Variants in SALL4 observed in about 807,000 individuals in gnomAD.
The protein encoded by SALL4 is spalt like transcription factor 4, also known as sal-like protein 4.
In SALL4, 4 loss-of-function variants were observed where a neutral mutation model predicts 60.8. The ratio of observed to expected loss-of-function variants is 0.07; its 90% CI spans 0.03 to 0.15. The LOEUF is 0.15. SALL4 is among the 10% of genes least tolerant of loss of function. SALL4 has a pLI of 1.00. For synonymous variants in SALL4, 580 were observed against 574.9 expected, an observed-to-expected ratio of 1.01 and a Z score of -0.13; for missense variants, 1,178 against 1,394.7, an observed-to-expected ratio of 0.84 and a Z score of 2.48.
intron 1 of SALL4, among the ~76,000 whole-genome samples, chr20:51,800,796 C>A (rs1339042270): frequency 6.6e-6 from 1 of 151,190 alleles, no homozygotes; most frequent in Non-Finnish European, 1.5e-5. Context: ...CGGGTGCGCG[C>A]TGCGCTGACC....
chr20:51,800,497 G>A (rs530529520), intron 1 of SALL4, among the ~76,000 whole-genome samples: 2 of 152,310 alleles, frequency 1.3e-5, no homozygotes, highest in East Asian at 3.9e-4. Flanking sequence ...GTTAATTTCA[G>A]AAGCCCTCTC....
At position 51,790,824 on chromosome 20, in the gene SALL4, C is replaced by T. The variant is rs1846245629; in HGVS notation, c.1659G>A (p.Gln553=). The part of the protein sequence containing the change: ...EPGSETLKLQ[Q]LVENIDKATT... ...TGGCCTTGTCAATGTTCTCCACCAACTGCTGCAATTTCAGGGTCTCTGACC... is the reference window on the plus strand; with the variant it reads ...TGGCCTTGTCAATGTTCTCCACCAATTGCTGCAATTTCAGGGTCTCTGACC... Residue 553 remains glutamine (Q), a synonymous_variant, in exon 2 of 4, where the codon CAG becomes CAA. Transcript: ENST00000217086. The surrounding 1 kb of genome is among the most constrained non-coding windows in gnomAD (Gnocchi z 5.5). 8.1e-6 allele frequency: 13 copies of T among 1,614,018 alleles called. No individual in the cohort carries two copies. Among genetic ancestry groups the T allele is most frequent in the Non-Finnish European group, 1.1e-5 (13 of 1,180,044 alleles).
In SALL4 at chr20:51,802,354, C is replaced by T; in HGVS notation, c.55G>A (p.Gly19Ser). Residue 19 changes from glycine (G) to serine (S), a missense_variant, in exon 1 of 4, where the codon GGC becomes AGC. This residue lies in a region of SALL4 where 108 missense variants were observed against 95.7 expected (regional missense o/e 1.13). Coordinates refer to ENST00000217086, the MANE Select transcript of SALL4 (RefSeq NM_020436.5). ...GTCTGCTGCTGCGGCTGCTGCTCGC[C>T]CTGGTCCTCCTCCGAGTTGATGTGC... ...PQHINSEEDQ[G>S]EQQPQQQTPE... The T allele has an allele frequency of 6.2e-7, 1 of 1,611,076 alleles. No individual in the cohort carries two copies. The highest frequency in any genetic ancestry group is 1.1e-5 in the South Asian group (1 of 91,014).
chr20:51,787,132 A>C (rs912584174), intron 3 of SALL4, among the ~76,000 whole-genome samples: 1 of 148,902 alleles, frequency 6.7e-6, no homozygotes, highest in Admixed American at 6.7e-5. Context: ...AAAACAAAAC[A>C]AATTTTGGGG....
At position 51,791,721 on chromosome 20, in the gene SALL4, G is replaced by C. The variant is rs141546409; in HGVS notation, c.762C>G (p.Ala254=). The change falls in exon 2 of 4, where the codon GCC becomes GCG. Residue 254 remains alanine (A), a synonymous_variant. Coordinates refer to ENST00000217086, the MANE Select transcript of SALL4 (RefSeq NM_020436.5). This position sits in a 1 kb window ranked among gnomAD's most constrained non-coding sequence, Gnocchi z 4.6. ...SHALHSSGAG[A]DTLKTLGSHM... ...GGCTGCCCAAGGTCTTCAGAGTGTC[G>C]GCCCCTGCCCCGCTTGAGTGGAGGG... 1.2e-5 allele frequency: 19 copies of C among 1,614,024 alleles called. No individual in the cohort carries two copies. Among genetic ancestry groups the C allele is most frequent in the Admixed American group, 5.0e-5 (3 of 60,010 alleles).
At chr20:51,785,256 A>G (rs1447051279) in intron 3 of SALL4, among the ~76,000 whole-genome samples, 3 of 152,116 alleles carry the variant, frequency 2.0e-5, no homozygotes, top group Non-Finnish European at 4.4e-5. Flanking sequence ...AGCCAAGATC[A>G]TGCCACTGCA....
At chr20:51,796,196 CAAAAAA>C (rs11474910) in intron 1 of SALL4, among the ~76,000 whole-genome samples, 6 of 90,584 alleles carry the variant, frequency 6.6e-5, no homozygotes, top group Non-Finnish European at 1.1e-4. Flanking sequence ...AAGACTGTCT[CAAAAAA>C]AAAAAAAAAA....
chr20:51,792,161 C>T lies in SALL4; in HGVS notation c.322G>A (p.Gly108Arg). The change falls in exon 2 of 4, where the codon GGG becomes AGG. Residue 108 changes from glycine (G) to arginine (R), a missense_variant. This residue lies in a region of SALL4 where 853 missense variants were observed against 1,036.8 expected (regional missense o/e 0.82). Transcript: ENST00000217086. ...GAGAAGTCTTCTGAAGGCACAGGCC[C>T]CTCGCTGTCATTCATGATGAGGACA... ...PPVLIMNDSE[G>R]PVPSEDFSGA... 1.2e-6 allele frequency: 2 copies of T among 1,614,142 alleles called. No homozygotes were observed. The highest frequency in any genetic ancestry group is 1.7e-6 in the Non-Finnish European group (2 of 1,180,034).
chr20:51,785,510 A>G (rs941184629), intron 3 of SALL4, among the ~76,000 whole-genome samples: 2 of 152,116 alleles, frequency 1.3e-5, no homozygotes, highest in Non-Finnish European at 2.9e-5. Flanking sequence ...CACCTAACAA[A>G]CATTCCTCCC....
chr20:51,789,219 T>A, intron 2 of SALL4, 78 bp from the exon 3 acceptor site: 6 of 1,521,652 alleles, frequency 3.9e-6, no homozygotes, highest in Non-Finnish European at 4.5e-6. Context: ...AAGAGATCTT[T>A]AAAAATAACT....
intron 1 of SALL4, among the ~76,000 whole-genome samples, chr20:51,799,650 T>C (rs2078098477): frequency 6.6e-6 from 1 of 152,232 alleles, no homozygotes; most frequent in Admixed American, 6.5e-5. Context: ...AAAATCCTTC[T>C]AAGCCAGCGT....
Position 51,801,911 on chromosome 20 carries a change from A to C in SALL4, c.130+368T>G. Among the ~76,000 whole-genome samples, 1 of 119,394 alleles carries C rather than the reference A, an allele frequency of 8.4e-6. No homozygotes were observed. Among genetic ancestry groups the C allele is most frequent in the Non-Finnish European group, 1.8e-5 (1 of 54,058 alleles). 78.3% of individuals were successfully genotyped at this position (119,394 alleles called of 152,430 possible). A position where few individuals can be genotyped will look rare whatever the true frequency, so the allele number is the denominator to read the frequency against. ...AGAGCGACGCGAGGGAGGGGGACCT[A>C]AGTTACAAGGGGGGGGGGTAACACC... On this transcript the variant is annotated intron_variant, in intron 1 of 3. Transcript: ENST00000217086. This position sits in a 1 kb window ranked among gnomAD's most constrained non-coding sequence, Gnocchi z 5.2.
chr20:51,786,056 A>T (rs2077989917), intron 3 of SALL4, among the ~76,000 whole-genome samples: 1 of 147,622 alleles, frequency 6.8e-6, no homozygotes, highest in Non-Finnish European at 1.5e-5. Context: ...AGTACCTGGG[A>T]CTACAGGTGC....
chr20:51,790,801 G>C lies in SALL4; in HGVS notation c.1682C>G (p.Ala561Gly), dbSNP rs761043680. The stretch of plus-strand genomic sequence containing the variant: ...GAGACATTCGTTGGGATCAGTGGTG[G>C]CCTTGTCAATGTTCTCCACCAACTG... ...LQQLVENIDK[A>G]TTDPNECLIC... Residue 561 changes from alanine to glycine, a missense_variant, in exon 2 of 4, where the codon GCC becomes GGC. By Grantham distance (60) the Ala-to-Gly change is moderately conservative (BLOSUM62 0). Around this residue, in one of 5 missense-constraint regions of SALL4, gnomAD observed 853 missense variants for 1,036.8 expected, o/e 0.82. Transcript: ENST00000217086. This position sits in a 1 kb window ranked among gnomAD's most constrained non-coding sequence, Gnocchi z 5.5. 1 of 1,614,118 alleles carries C rather than the reference G, an allele frequency of 6.2e-7. No individual in the cohort carries two copies. The highest frequency in any genetic ancestry group is 8.5e-7 in the Non-Finnish European group (1 of 1,180,034).
chr20:51,785,045 G>A lies in SALL4; in HGVS notation c.2743-361C>T, dbSNP rs557218005. Among the ~76,000 whole-genome samples the A allele has an allele frequency of 1.3e-3, 191 of 152,276 alleles. 2 individuals are homozygous for A. Among genetic ancestry groups the A allele is most frequent in the African/African-American group, 4.1e-3 (169 of 41,556 alleles). The stretch of plus-strand genomic sequence containing the variant: ...AGGCCAGGCACGGTGGCTCACGCCT[G>A]TAATCCCAGCACTTTGGGAAGCTGA... On this transcript the variant is annotated intron_variant, in intron 3 of 3. Coordinates refer to ENST00000217086, the MANE Select transcript of SALL4 (RefSeq NM_020436.5).
At chr20:51,802,200 C>G in intron 1 of SALL4, 79 bp downstream of exon 1, 1 of 1,488,214 alleles carries the variant, frequency 6.7e-7, no homozygotes, top group Admixed American at 2.3e-5. Flanking sequence ...CCGCCCGCTC[C>G]CCGAAGCCTG....
At chr20:51,793,326 T>G (rs571266197) in intron 1 of SALL4, among the ~76,000 whole-genome samples, 1 of 151,086 alleles carries the variant, frequency 6.6e-6, no homozygotes, top group South Asian at 2.1e-4. Context: ...ATAAAAAAAA[T>G]AAGAAGATAA....
Position 51,791,251 on chromosome 20 carries a change from A to C in SALL4, c.1232T>G (p.Val411Gly), listed in dbSNP as rs768642755. Residue 411 changes from valine (V) to glycine (G), a missense_variant, in exon 2 of 4, where the codon GTG (valine) becomes GGG (glycine). Val to Gly is a moderately radical substitution (Grantham distance 109). Around this residue, in one of 5 missense-constraint regions of SALL4, gnomAD observed 853 missense variants for 1,036.8 expected, o/e 0.82. Coordinates refer to ENST00000217086, the MANE Select transcript of SALL4 (RefSeq NM_020436.5). This position sits in a 1 kb window ranked among gnomAD's most constrained non-coding sequence, Gnocchi z 4.6. ...LRSHTGERPFVCSVCGHRFTT... is the reference protein window; with the variant it reads ...LRSHTGERPFGCSVCGHRFTT... Reference sequence around the variant, plus strand: ...GAAGCGATGACCACAGACAGAGCACACGAAGGGTCTCTCTCCAGTGTGGGA... The same window carrying C: ...GAAGCGATGACCACAGACAGAGCACCCGAAGGGTCTCTCTCCAGTGTGGGA... The C allele has an allele frequency of 1.1e-5, 17 of 1,614,008 alleles. No homozygotes were observed. The highest frequency in any genetic ancestry group is 1.1e-5 in the Non-Finnish European group (13 of 1,180,038).
In SALL4 at chr20:51,790,368, G is replaced by A; in HGVS notation, c.2115C>T (p.Ser705=). 2 of 1,614,138 alleles carry A rather than the reference G, an allele frequency of 1.2e-6. No individual in the cohort carries two copies. The highest frequency in any genetic ancestry group is 1.7e-6 in the Non-Finnish European group (2 of 1,180,040). ...EVSSQEAPSS[S]SKVPTPLPSI... ...TGGGAAGAGGCGTGGGGACCTTGGA[G>A]GAGCTGCTGGGAGCCTCCTGGGAGC... The change falls in exon 2 of 4, where the codon TCC becomes TCT. Residue 705 remains serine (S), a synonymous_variant. Coordinates refer to ENST00000217086, the MANE Select transcript of SALL4 (RefSeq NM_020436.5). The surrounding 1 kb of genome is among the most constrained non-coding windows in gnomAD (Gnocchi z 5.5).
Sources: allele counts gnomAD v4.1 joint callset (sites outside exome capture counted in the v4.1 genomes callset), GRCh38; gene constraint gnomAD v4.1.1; regional missense constraint gnomAD v4.1.1; non-coding constraint Gnocchi (gnomAD v3.1); transcripts MANE v1.5; gene names NCBI Gene and HGNC (gene_info 2026-07-23, HGNC 2026-07-21).